The following SLC15A1 variants were observed in gnomAD, a reference collection of about 807,000 sequenced individuals.
SLC15A1 encodes the protein solute carrier family 15 member 1, also known as Caco-2 oligopeptide transporter.
A neutral mutation model predicts 92.9 loss-of-function variants in SLC15A1; 83 were observed. That is an observed-to-expected ratio of 0.89 (90% CI 0.75 to 1.07). The LOEUF is 1.07. Ranked by LOEUF, SLC15A1 falls within the 50% of genes least tolerant of loss-of-function variation. The probability of loss-of-function intolerance (pLI) is 0.00; values close to 1 mark genes in which losing one functional copy is unlikely to be tolerated. For synonymous variants in SLC15A1, 322 were observed against 318.2 expected (o/e 1.01, Z -0.13); for missense variants, 857 against 880.1 (o/e 0.97, Z 0.33).
rs140042083 is a variant in SLC15A1, at chr13:98,686,250, G to A, written c.1875C>T (p.Thr625=). ...GCACAATGATGTTGCCAACAGCCAC[G>A]GTCAGCAGCCATCCTGCCTGAAGCA... ...KSVLQAGWLL[T]VAVGNIIVLI... Residue 625 remains threonine, a synonymous_variant, in exon 22 of 23, where the codon ACC becomes ACT. Transcript: ENST00000376503. 37 of 1,613,424 alleles carry A rather than the reference G, an allele frequency of 2.3e-5. No individual in the cohort carries two copies. Among genetic ancestry groups the A allele is most frequent in the African/African-American group, 4.0e-5 (3 of 74,898 alleles).
At chr13:98,692,136 CTTTTTTTTTTTTTTTTTTTT>C (rs528865683) in intron 18 of SLC15A1, among the ~76,000 whole-genome samples, 3 of 67,642 alleles carry the variant, frequency 4.4e-5, no homozygotes, top group African/African-American at 8.7e-5. Context: ...TTCTCCTAAA[CTTTTTTTTTTTTTTTTTTTT>C]TTTTTTTTTT....
At chr13:98,723,326 T>C (rs139446384) in intron 5 of SLC15A1, among the ~76,000 whole-genome samples, 26 of 152,346 alleles carry the variant, frequency 1.7e-4, no homozygotes, top group Admixed American at 4.6e-4. Flanking sequence ...GCTCATTAGA[T>C]AGTTTACTTA....
chr13:98,690,057 G>A (rs1000326544), intron 18 of SLC15A1, among the ~76,000 whole-genome samples: 1 of 152,128 alleles, frequency 6.6e-6, no homozygotes, highest in African/African-American at 2.4e-5. Flanking sequence ...TGACCAGGAC[G>A]GTGTTGCTCA....
intron 8 of SLC15A1, among the ~76,000 whole-genome samples, chr13:98,716,995 G>A (rs1401831366): frequency 1.3e-5 from 2 of 152,014 alleles, no homozygotes; most frequent in Non-Finnish European, 2.9e-5. Flanking sequence ...GAGCAGCCTG[G>A]GCAACATAAT....
rs144872042 is a variant in SLC15A1 at position 98,720,777 on chromosome 13, G to A, written c.556+718C>T. 53 of 241,468 alleles carry A rather than the reference G, an allele frequency of 2.2e-4. No individual in the cohort carries two copies. In the East Asian group the frequency reaches 3.6e-3, roughly 16 times the overall value. The allele number at this position is 241,468 out of a possible 1,614,324, so 15.0% of individuals were successfully genotyped here. On this transcript the variant is annotated intron_variant, in intron 7 of 22. Transcript: ENST00000376503. ...GAAAAAAACTTTGCCTTAGCCAGGC[G>A]TGGTGGCTCACACCTGTAATCCCAG...
At chr13:98,721,090 G>T (rs1388453439) in intron 7 of SLC15A1, 3 of 474,982 alleles carry the variant, frequency 6.3e-6, no homozygotes, top group Non-Finnish European at 1.3e-5. Flanking sequence ...ATACAATTTT[G>T]CCCAGTAAAC....
At chr13:98,751,509 A>T (rs2088546570) in intron 1 of SLC15A1, among the ~76,000 whole-genome samples, 4 of 152,206 alleles carry the variant, frequency 2.6e-5, no homozygotes, top group Admixed American at 2.6e-4. Context: ...TGAGGGCGGG[A>T]CCCAGAACTG....
At chr13:98,705,294 T>C (rs1320666205) in intron 16 of SLC15A1, among the ~76,000 whole-genome samples, 3 of 151,544 alleles carry the variant, frequency 2.0e-5, no homozygotes, top group African/African-American at 4.9e-5. Context: ...GGCTGGAGGT[T>C]GAGTACCACG....
At chr13:98,748,705 A>G (rs969044380) in intron 1 of SLC15A1, among the ~76,000 whole-genome samples, 5 of 152,188 alleles carry the variant, frequency 3.3e-5, no homozygotes, top group African/African-American at 1.2e-4. Context: ...CAGGGCCCAG[A>G]CTGTACTAGA....
chr13:98,724,438 A>G lies in SLC15A1; in HGVS notation c.246-407T>C, dbSNP rs375598198. Among the ~76,000 whole-genome samples the G allele has an allele frequency of 3.3e-5, 5 of 152,280 alleles. No homozygotes were observed. In the East Asian group the frequency reaches 9.7e-4, roughly 29 times the overall value. On this transcript the variant is annotated intron_variant, in intron 4 of 22. Coordinates refer to ENST00000376503, the MANE Select transcript of SLC15A1 (RefSeq NM_005073.4). The stretch of plus-strand genomic sequence containing the variant: ...AGGATCACTTGAGTCCAGGAGGTTG[A>G]AGCTGCAGTGAGCCAGGATTGCACT...
chr13:98,688,230 A>T lies in SLC15A1; in HGVS notation c.1683+18T>A, dbSNP rs1201991994. On this transcript the variant is annotated intron_variant, in intron 20 of 22. Coordinates refer to ENST00000376503, the MANE Select transcript of SLC15A1 (RefSeq NM_005073.4). ...GAGTATGAGCAGATCTTCTGATACA[A>T]TGAAACGAGTTACTAACCTTCCTTT... is the stretch of plus-strand genomic sequence containing the variant. 6.5e-7 allele frequency: 1 copy of T among 1,528,324 alleles called. No homozygotes were observed. The allele number at this position is 1,528,324 out of a possible 1,614,324, so 94.7% of individuals were successfully genotyped here. A position where few individuals can be genotyped will look rare whatever the true frequency, so the allele number is the denominator to read the frequency against.
intron 18 of SLC15A1, among the ~76,000 whole-genome samples, chr13:98,689,793 T>C (rs756896254): frequency 6.6e-6 from 1 of 152,134 alleles, no homozygotes; most frequent in Non-Finnish European, 1.5e-5. Flanking sequence ...TGGAGGCCTG[T>C]GTGGTCCTGG....
At chr13:98,690,459 A>C (rs1489047028) in intron 18 of SLC15A1, among the ~76,000 whole-genome samples, 1 of 152,212 alleles carries the variant, frequency 6.6e-6, no homozygotes, top group Non-Finnish European at 1.5e-5. Flanking sequence ...AAAAGAGAGC[A>C]TGTGGGCAGA....
chr13:98,719,234 T>C lies in SLC15A1; in HGVS notation c.640+3A>G. On this transcript the variant is annotated splice_donor_region_variant and intron_variant, in intron 8 of 22. Coordinates refer to ENST00000376503, the MANE Select transcript of SLC15A1 (RefSeq NM_005073.4). ...TCTATTAATTCAACCGATTTCCACT[T>C]ACTCAGGGCTACAGCCATGAGAGCA... 1.2e-6 allele frequency: 2 copies of C among 1,609,288 alleles called. No individual in the cohort carries two copies. Among genetic ancestry groups the C allele is most frequent in the East Asian group, 4.5e-5 (2 of 44,836 alleles).
At position 98,699,219 on chromosome 13, in the gene SLC15A1, G is replaced by A. The variant is rs1466232084; in HGVS notation, c.1466+3261C>T. On this transcript the variant is annotated intron_variant, in intron 18 of 22. Coordinates refer to ENST00000376503, the MANE Select transcript of SLC15A1 (RefSeq NM_005073.4). ...TATTCTGTCAATGCCACTCTTTTGGGGGAGTGGGACTGGGCAAGAGAACAA... is the reference window on the plus strand; with the variant it reads ...TATTCTGTCAATGCCACTCTTTTGGAGGAGTGGGACTGGGCAAGAGAACAA... Among the ~76,000 whole-genome samples, 10 of 152,118 alleles carry A rather than the reference G, an allele frequency of 6.6e-5. No homozygotes were observed. In the East Asian group the frequency reaches 1.7e-3, roughly 26 times the overall value.
At chr13:98,723,683 G>A (rs2088277058) in intron 5 of SLC15A1, among the ~76,000 whole-genome samples, 1 of 152,142 alleles carries the variant, frequency 6.6e-6, no homozygotes, top group South Asian at 2.1e-4. Flanking sequence ...GGATATGATG[G>A]CGCATGACAG....
Position 98,709,854 on chromosome 13 carries a change from G to C in SLC15A1, c.945+13C>G. The C allele has an allele frequency of 1.2e-6, 2 of 1,614,158 alleles. No individual in the cohort carries two copies. The highest frequency in any genetic ancestry group is 1.7e-6 in the Non-Finnish European group (2 of 1,180,004). On this transcript the variant is annotated intron_variant, in intron 12 of 22. Coordinates refer to ENST00000376503, the MANE Select transcript of SLC15A1 (RefSeq NM_005073.4). ...AGGGGACAAAGAAACTAAAACAAAGGAGTCAAACTTACGATTTTCCCGGAC... is the reference window on the plus strand; with the variant it reads ...AGGGGACAAAGAAACTAAAACAAAGCAGTCAAACTTACGATTTTCCCGGAC...
At position 98,684,868 on chromosome 13, in the gene SLC15A1, TAC is replaced by T. The variant is rs1330182409; in HGVS notation, c.1981_1982del (p.Val661AsnfsTer22). The T allele has an allele frequency of 1.2e-6, 2 of 1,614,070 alleles. No individual in the cohort carries two copies. The highest frequency in any genetic ancestry group is 1.1e-5 in the South Asian group (1 of 91,062). On this transcript the variant is annotated frameshift_variant, in exon 23 of 23. Transcript: ENST00000376503. LOFTEE classifies it low-confidence loss of function (END_TRUNC). ...AGAACCGAGCCATGATGGCAAAAAT[TAC>T]ACAGACGACCAGAAGCAACGCGGCA... is the stretch of plus-strand genomic sequence containing the variant. Reference protein sequence around the residue: ...LFAALLLVVCVIFAIMARFYT... With the variant: ...LFAALLLVVCXIFAIMARFYT...
At chr13:98,731,830 A>G (rs2088352914) in intron 1 of SLC15A1, among the ~76,000 whole-genome samples, 1 of 152,228 alleles carries the variant, frequency 6.6e-6, no homozygotes, top group African/African-American at 2.4e-5. Flanking sequence ...TTAGGTCTTA[A>G]CAATCATTAT....
Sources: gnomAD v4.1 joint callset for allele counts (sites outside exome capture counted in the v4.1 genomes callset) on GRCh38, gnomAD v4.1.1 for gene constraint, MANE v1.5 for transcripts, NCBI Gene and HGNC (gene_info 2026-07-23, HGNC 2026-07-21) for gene names.